The following UNC5C variants were observed in gnomAD, a reference collection of about 807,000 sequenced individuals.
UNC5C encodes the protein unc-5 netrin receptor C, also known as netrin receptor UNC5C.
Under a neutral mutation model 99.8 loss-of-function variants are expected in UNC5C, and 47 were observed. The observed-to-expected ratio is 0.47, with a 90% CI of 0.37 to 0.60. UNC5C has a LOEUF of 0.60. Among genes scored for constraint, UNC5C ranks in the 20% least tolerant of loss-of-function variants. UNC5C has a pLI of 0.00. For synonymous variants in UNC5C, 487 were observed against 452.2 expected (o/e 1.08, Z -0.98); for missense variants, 1,062 against 1,165.9 (o/e 0.91, Z 1.30).
intron 7 of UNC5C, among the ~76,000 whole-genome samples, chr4:95,233,958 A>T (rs1369560701): frequency 6.6e-6 from 1 of 152,144 alleles, no homozygotes; most frequent in Non-Finnish European, 1.5e-5. Flanking sequence ...AAGGAAAGAA[A>T]AGATTATAAA....
At chr4:95,208,995 T>C (rs1391135218) in intron 10 of UNC5C, among the ~76,000 whole-genome samples, 2 of 152,228 alleles carry the variant, frequency 1.3e-5, no homozygotes, top group Non-Finnish European at 2.9e-5. Flanking sequence ...TGTTTATGCA[T>C]GGATGTTTGT....
chr4:95,491,963 A>C (rs114798372), intron 1 of UNC5C, among the ~76,000 whole-genome samples: 1 of 151,610 alleles, frequency 6.6e-6, no homozygotes, highest in African/African-American at 2.4e-5. Flanking sequence ...AAACATGGGA[A>C]ATATACTGAA....
At chr4:95,302,178 A>C (rs562386911) in intron 2 of UNC5C, among the ~76,000 whole-genome samples, 2 of 152,358 alleles carry the variant, frequency 1.3e-5, no homozygotes, top group South Asian at 4.1e-4. Flanking sequence ...GTGATTATTT[A>C]ATAACTAAAT....
intron 1 of UNC5C, among the ~76,000 whole-genome samples, chr4:95,473,150 T>C (rs1170567135): frequency 6.6e-6 from 1 of 152,128 alleles, no homozygotes; most frequent in African/African-American, 2.4e-5. Context: ...CAACTCTTCT[T>C]TTGTGTTTTG....
intron 1 of UNC5C, among the ~76,000 whole-genome samples, chr4:95,399,459 T>C (rs1392643197): frequency 6.6e-6 from 1 of 152,204 alleles, no homozygotes; most frequent in Non-Finnish European, 1.5e-5. Flanking sequence ...GTCCCTTGCA[T>C]AAAACTCTTC....
At chr4:95,469,972 T>G (rs1237718852) in intron 1 of UNC5C, among the ~76,000 whole-genome samples, 2 of 152,160 alleles carry the variant, frequency 1.3e-5, no homozygotes. Context: ...TATTACAGTA[T>G]GTACTAAGGT....
At chr4:95,473,391 C>G (rs1748035040) in intron 1 of UNC5C, among the ~76,000 whole-genome samples, 1 of 152,114 alleles carries the variant, frequency 6.6e-6, no homozygotes, top group Admixed American at 6.6e-5. Flanking sequence ...TGTAGTTAAG[C>G]AATCTGTTCT....
At chr4:95,329,373 C>T (rs1743024702) in intron 2 of UNC5C, among the ~76,000 whole-genome samples, 1 of 152,136 alleles carries the variant, frequency 6.6e-6, no homozygotes, top group South Asian at 2.1e-4. Flanking sequence ...GTTCAATGGA[C>T]AAGCTTTGTG....
At chr4:95,170,022 A>G (rs896304763) in intron 15 of UNC5C, 132 bp downstream of exon 15, 2 of 1,205,244 alleles carry the variant, frequency 1.7e-6, no homozygotes, top group African/African-American at 1.5e-5. Context: ...AGCTTAATGC[A>G]TATTTGCAAA....
intron 2 of UNC5C, among the ~76,000 whole-genome samples, chr4:95,319,830 T>C (rs1742614039): frequency 6.6e-6 from 1 of 152,110 alleles, no homozygotes; most frequent in Non-Finnish European, 1.5e-5. Context: ...GAGAGAGAAA[T>C]AGCATCAAGA....
At chr4:95,230,492 A>G (rs927193831) in intron 7 of UNC5C, among the ~76,000 whole-genome samples, 1 of 151,878 alleles carries the variant, frequency 6.6e-6, no homozygotes, top group Non-Finnish European at 1.5e-5. Context: ...ATTGCTTTTG[A>G]TGTTTTAGTC....
chr4:95,187,728 G>GAAAGT (rs1200133652), intron 12 of UNC5C, among the ~76,000 whole-genome samples: 1 of 152,154 alleles, frequency 6.6e-6, no homozygotes, highest in Non-Finnish European at 1.5e-5. Context: ...TTTTTGGATA[G>GAAAGT]AAAGTACCAA....
intron 12 of UNC5C, among the ~76,000 whole-genome samples, chr4:95,192,897 C>G (rs910204989): frequency 6.6e-6 from 1 of 152,192 alleles, no homozygotes; most frequent in African/African-American, 2.4e-5. Context: ...TAGCTTCTTT[C>G]TCTCCCTCTC....
At chr4:95,427,537 G>A (rs1256806207) in intron 1 of UNC5C, among the ~76,000 whole-genome samples, 2 of 152,114 alleles carry the variant, frequency 1.3e-5, no homozygotes, top group African/African-American at 4.8e-5. Context: ...TTAGTCAGTA[G>A]CCATCAACAT....
intron 1 of UNC5C, among the ~76,000 whole-genome samples, chr4:95,347,584 C>G (rs1743824392): frequency 6.6e-6 from 1 of 151,882 alleles, no homozygotes; most frequent in African/African-American, 2.4e-5. Context: ...AACAGAATAA[C>G]AAACCCAGAA....
chr4:95,543,375 T>C (rs1201708808), intron 1 of UNC5C, among the ~76,000 whole-genome samples: 1 of 152,160 alleles, frequency 6.6e-6, no homozygotes, highest in Non-Finnish European at 1.5e-5. Context: ...GCAATAACCA[T>C]TAAACAATAA....
At chr4:95,328,627 T>C (rs1248060897) in intron 2 of UNC5C, among the ~76,000 whole-genome samples, 2 of 144,440 alleles carry the variant, frequency 1.4e-5, no homozygotes, top group Non-Finnish European at 3.0e-5. Context: ...TCTAGATCCC[T>C]GAGGAATCGC....
At chr4:95,294,321 A>T (rs946464422) in intron 3 of UNC5C, among the ~76,000 whole-genome samples, 1 of 152,210 alleles carries the variant, frequency 6.6e-6, no homozygotes, top group African/African-American at 2.4e-5. Context: ...AAATGTAGTT[A>T]TTCTCTCAGT....
At chr4:95,548,636 G>A (rs111522297) in intron 1 of UNC5C, 98 bp downstream of exon 1, 4 of 1,431,762 alleles carry the variant, frequency 2.8e-6, no homozygotes, top group Non-Finnish European at 3.7e-6. Context: ...AAAGCAACGA[G>A]GCAAATTGAG....
Sources: gnomAD v4.1 joint callset for allele counts (sites outside exome capture counted in the v4.1 genomes callset) on GRCh38, gnomAD v4.1.1 for gene constraint, MANE v1.5 for transcripts, NCBI Gene and HGNC (gene_info 2026-07-23, HGNC 2026-07-21) for gene names.